GNAO1: variants seen among roughly 807,000 people sequenced by gnomAD.
The protein encoded by GNAO1 is guanine nucleotide-binding protein G(o) subunit alpha.
For synonymous variants in GNAO1, 164 were observed against 180.7 expected (o/e 0.91, Z 0.74); for missense variants, 166 against 478.7 (o/e 0.35, Z 6.10).
At chr16:56,192,906 C>T (rs2036193244) in intron 2 of GNAO1, 1 of 405,938 alleles carries the variant, frequency 2.5e-6, no homozygotes, top group Non-Finnish European at 4.5e-6. Flanking sequence ...ACACTATTGG[C>T]ATGATTATGA....
At chr16:56,209,512 A>G (rs1434549950) in intron 2 of GNAO1, among the ~76,000 whole-genome samples, 1 of 152,186 alleles carries the variant, frequency 6.6e-6, no homozygotes. Context: ...CCCTATTAGG[A>G]TATTAGGATC....
chr16:56,276,146 G>A (rs2037059874), intron 3 of GNAO1, 74 bp downstream of exon 3: 2 of 1,323,946 alleles, frequency 1.5e-6, no homozygotes, highest in Non-Finnish European at 2.1e-6. Flanking sequence ...TCTTTATAGT[G>A]CTGGGCTGCC....
At chr16:56,345,059 T>C (rs1265767367) in intron 6 of GNAO1, 2 of 960,388 alleles carry the variant, frequency 2.1e-6, no homozygotes, top group Non-Finnish European at 2.5e-6. Flanking sequence ...CACACCCCCC[T>C]GTCCCCAACT....
intron 4 of GNAO1, among the ~76,000 whole-genome samples, chr16:56,332,122 C>T (rs541612603): frequency 6.6e-6 from 1 of 152,270 alleles, no homozygotes; most frequent in South Asian, 2.1e-4. Context: ...AGGCCCCACC[C>T]GCTGACCTGC....
rs998291819 is a variant in GNAO1 at position 56,194,522 on chromosome 16, G to A, written c.161+1906G>A. On this transcript the variant is annotated intron_variant, in intron 2 of 8. Coordinates refer to ENST00000262493, the MANE Select transcript of GNAO1 (RefSeq NM_020988.3). ...AGCCGAGGCCGGAAAAGTCGATGGGGCTCAGTTCGGCGACGCTCGGCTAGG... is the reference window on the plus strand; with the variant it reads ...AGCCGAGGCCGGAAAAGTCGATGGGACTCAGTTCGGCGACGCTCGGCTAGG... 14 of 312,784 alleles carry A rather than the reference G, an allele frequency of 4.5e-5. No homozygotes were observed. The Admixed American group carries it at 5.6e-4, about 12-fold the overall frequency. The allele number at this position is 312,784 out of a possible 1,614,324, so 19.4% of individuals were successfully genotyped here.
At chr16:56,208,706 ACTTTACAT>A in intron 2 of GNAO1, among the ~76,000 whole-genome samples, 1 of 152,140 alleles carries the variant, frequency 6.6e-6, no homozygotes, top group Non-Finnish European at 1.5e-5. Context: ...TTGTGGTTTT[ACTTTACAT>A]AGTCTAGATT....
chr16:56,251,353 T>C (rs1317189610), intron 2 of GNAO1, among the ~76,000 whole-genome samples: 1 of 152,176 alleles, frequency 6.6e-6, no homozygotes. Context: ...AGAGAAGTTC[T>C]TAAAACTTCT....
At chr16:56,325,726 G>A (rs1016616597) in intron 3 of GNAO1, among the ~76,000 whole-genome samples, 3 of 152,076 alleles carry the variant, frequency 2.0e-5, no homozygotes, top group African/African-American at 7.3e-5. Flanking sequence ...AGTAGTCAGG[G>A]TCTCTGTGAG....
In GNAO1 at chr16:56,238,136, C is replaced by T. The variant is rs201617101; in HGVS notation, c.162-37795C>T. On this transcript the variant is annotated intron_variant, in intron 2 of 8. Transcript: ENST00000262493. ...GCCCGCCCCACACACATTTGTGGGA[C>T]GACTTTTTTTCAGCAGGCCTGCTGC... 1.1e-4 allele frequency among the ~76,000 whole-genome samples: 14 copies of T among 127,084 alleles called. No individual in the cohort carries two copies. The East Asian group carries it at 1.9e-3, about 17-fold the overall frequency. 83.4% of individuals were successfully genotyped at this position (127,084 alleles called of 152,430 possible). A position where few individuals can be genotyped will look rare whatever the true frequency, so the allele number is the denominator to read the frequency against.
intron 2 of GNAO1, among the ~76,000 whole-genome samples, chr16:56,252,175 G>T (rs1271527124): frequency 6.6e-6 from 1 of 152,170 alleles, no homozygotes; most frequent in Non-Finnish European, 1.5e-5. Flanking sequence ...ATATCTGCAG[G>T]TACATGGTAA....
At chr16:56,200,046 G>C (rs2143297450) in intron 2 of GNAO1, among the ~76,000 whole-genome samples, 1 of 152,294 alleles carries the variant, frequency 6.6e-6, no homozygotes, top group Middle Eastern at 3.4e-3. Context: ...TTCTCTGCCT[G>C]TGTCTTAGCC....
intron 2 of GNAO1, among the ~76,000 whole-genome samples, chr16:56,232,718 T>C (rs1300780238): frequency 6.6e-6 from 1 of 152,202 alleles, no homozygotes; most frequent in Non-Finnish European, 1.5e-5. Context: ...AGTTATGGCT[T>C]TTTGTTATTT....
chr16:56,276,776 A>G (rs569129960), intron 3 of GNAO1: 1 of 152,302 alleles, frequency 6.6e-6, no homozygotes, highest in East Asian at 1.9e-4. Flanking sequence ...GGGAGAGGAG[A>G]AAATAGCCTC....
intron 2 of GNAO1, among the ~76,000 whole-genome samples, chr16:56,237,632 C>G (rs571863719): frequency 1.3e-5 from 2 of 152,240 alleles, no homozygotes; most frequent in South Asian, 4.1e-4. Flanking sequence ...GCACAGATGC[C>G]TTGGCGTTTT....
At chr16:56,197,514 C>T (rs1192290044) in intron 2 of GNAO1, among the ~76,000 whole-genome samples, 2 of 152,220 alleles carry the variant, frequency 1.3e-5, no homozygotes, top group Non-Finnish European at 2.9e-5. Flanking sequence ...CACCCGATCT[C>T]CTCAGGAGTC....
intron 2 of GNAO1, chr16:56,235,418 G>A (rs897850399): frequency 2.2e-5 from 10 of 455,898 alleles, no homozygotes; most frequent in African/African-American, 1.6e-4. Flanking sequence ...AGGCCGGCGG[G>A]ACACTACGCA....
chr16:56,293,649 G>A (rs563626016), intron 3 of GNAO1, among the ~76,000 whole-genome samples: 33 of 152,152 alleles, frequency 2.2e-4, no homozygotes, highest in Non-Finnish European at 1.5e-5. Flanking sequence ...GTTGCATATC[G>A]GTTTTAATAT....
At chr16:56,295,231 C>G (rs148181556) in intron 3 of GNAO1, among the ~76,000 whole-genome samples, 159 of 152,254 alleles carry the variant, frequency 1.0e-3, no homozygotes, top group African/African-American at 3.7e-3. Context: ...AAGAAGTGAT[C>G]ATGGTATCAG....
At chr16:56,200,888 T>C (rs2036276487) in intron 2 of GNAO1, among the ~76,000 whole-genome samples, 1 of 152,196 alleles carries the variant, frequency 6.6e-6, no homozygotes, top group Admixed American at 6.5e-5. Context: ...GCCTCAAAAA[T>C]GGGGGCCATT....
Sources: gnomAD v4.1 joint callset for allele counts (sites outside exome capture counted in the v4.1 genomes callset) on GRCh38, gnomAD v4.1.1 for gene constraint, MANE v1.5 for transcripts, NCBI Gene and HGNC (gene_info 2026-07-23, HGNC 2026-07-21) for gene names.